TADA2A: variants seen among roughly 807,000 people sequenced by gnomAD.
The protein encoded by TADA2A is transcriptional adaptor 2A.
Under a neutral mutation model 67.4 loss-of-function variants are expected in TADA2A, and 38 were observed. That is an observed-to-expected ratio of 0.56 (90% CI 0.44 to 0.74). The LOEUF is 0.74. Ranked by LOEUF, TADA2A falls within the 30% of genes least tolerant of loss-of-function variation. The probability of loss-of-function intolerance (pLI) is 0.00; values close to 1 mark genes in which losing one functional copy is unlikely to be tolerated. For missense variants in TADA2A, 454 were observed against 547.0 expected (o/e 0.83, Z 1.70); for synonymous variants, 192 against 181.6 (o/e 1.06, Z -0.46).
At chr17:37,449,684 A>G (rs1030450622) in intron 8 of TADA2A, among the ~76,000 whole-genome samples, 1 of 151,000 alleles carries the variant, frequency 6.6e-6, no homozygotes, top group Admixed American at 6.6e-5. Flanking sequence ...CAGTGGCACA[A>G]TCATGGCTCA....
intron 8 of TADA2A, among the ~76,000 whole-genome samples, chr17:37,453,007 T>C (rs1209299447): frequency 6.6e-6 from 1 of 152,238 alleles, no homozygotes; most frequent in African/African-American, 2.4e-5. Flanking sequence ...GGACTTAGGT[T>C]ATTTTTATCT....
At chr17:37,459,418 G>A (rs533046569) in intron 9 of TADA2A, among the ~76,000 whole-genome samples, 13 of 151,570 alleles carry the variant, frequency 8.6e-5, no homozygotes, top group Admixed American at 1.3e-4. Context: ...AAGTGGCTGG[G>A]ACTATAGGTG....
Position 37,474,567 on chromosome 17 carries a change from G to A in TADA2A, c.1084G>A (p.Ala362Thr). 6.2e-7 allele frequency: 1 copy of A among 1,613,696 alleles called. No individual in the cohort carries two copies. Among genetic ancestry groups the A allele is most frequent in the Non-Finnish European group, 8.5e-7 (1 of 1,179,894 alleles). ...TTCTCTGTCTATAGGTAGACGGAGTGCACCACCCTTGAACCTCACTGGCCT... is the reference window on the plus strand; with the variant it reads ...TTCTCTGTCTATAGGTAGACGGAGTACACCACCCTTGAACCTCACTGGCCT... ...PMASNSGRRS[A>T]PPLNLTGLPG... The change falls in exon 15 of 16, where the codon GCA becomes ACA. Residue 362 changes from alanine to threonine, a missense_variant. Physicochemically the swap from Ala to Thr is moderately conservative, Grantham distance 58 (BLOSUM62 0). This residue lies in a region of TADA2A where 403 missense variants were observed against 455.5 expected (regional missense o/e 0.88). Coordinates refer to ENST00000615182, the MANE Select transcript of TADA2A (RefSeq NM_001166105.3).
intron 8 of TADA2A, among the ~76,000 whole-genome samples, chr17:37,454,454 C>T (rs1421547346): frequency 1.3e-5 from 2 of 151,986 alleles, no homozygotes; most frequent in African/African-American, 2.4e-5. Flanking sequence ...GCTACCACAT[C>T]CGGCTAATTT....
In TADA2A at chr17:37,444,772, A is replaced by G; in HGVS notation, c.604+4A>G. ...GATGACTCGGACATTTTACATGGTA[A>G]CAGTTTATTTTGTCAAATGTTTATC... is the stretch of plus-strand genomic sequence containing the variant. On this transcript the variant is annotated splice_donor_region_variant and intron_variant, in intron 8 of 15. Coordinates refer to ENST00000615182, the MANE Select transcript of TADA2A (RefSeq NM_001166105.3). 6.2e-7 allele frequency: 1 copy of G among 1,613,694 alleles called. No homozygotes were observed. The highest frequency in any genetic ancestry group is 8.5e-7 in the Non-Finnish European group (1 of 1,179,612).
chr17:37,439,516 C>A (rs113756520), intron 5 of TADA2A, among the ~76,000 whole-genome samples: 138 of 152,188 alleles, frequency 9.1e-4, no homozygotes, highest in African/African-American at 3.2e-3. Context: ...CTCCTGAGTT[C>A]AAGCCATCCT....
intron 10 of TADA2A, among the ~76,000 whole-genome samples, chr17:37,464,015 C>T (rs1419436874): frequency 3.3e-5 from 5 of 152,132 alleles, no homozygotes; most frequent in African/African-American, 4.8e-5. Flanking sequence ...AAGTCTGTAT[C>T]GTTAGTCCAA....
chr17:37,463,841 T>C (rs1645777478), intron 10 of TADA2A, among the ~76,000 whole-genome samples: 1 of 151,608 alleles, frequency 6.6e-6, no homozygotes, highest in Non-Finnish European at 1.5e-5. Flanking sequence ...TAGTCCCAAC[T>C]ACTCAGGAGG....
chr17:37,456,160 C>A (rs1156390005), intron 8 of TADA2A, among the ~76,000 whole-genome samples: 2 of 152,000 alleles, frequency 1.3e-5, no homozygotes, highest in Non-Finnish European at 2.9e-5. Context: ...GCCAAGCGCC[C>A]CTGCACTCCA....
At chr17:37,457,491 CTTTTTTTTTT>C (rs71135729) in intron 8 of TADA2A, among the ~76,000 whole-genome samples, 1 of 72,398 alleles carries the variant, frequency 1.4e-5, no homozygotes, top group Non-Finnish European at 2.4e-5. Context: ...AACATTAATT[CTTTTTTTTTT>C]TTTTTTTTTT....
intron 5 of TADA2A, 122 bp from the exon 6 acceptor site, chr17:37,440,383 A>G: frequency 1.8e-6 from 2 of 1,142,044 alleles, no homozygotes; most frequent in Admixed American, 5.6e-5. Flanking sequence ...TTTTGATATC[A>G]ATTTGGAAAT....
intron 8 of TADA2A, among the ~76,000 whole-genome samples, chr17:37,456,606 T>C (rs1237685156): frequency 6.6e-6 from 1 of 152,228 alleles, no homozygotes; most frequent in Non-Finnish European, 1.5e-5. Context: ...ATCTTTACTC[T>C]GATGCAGTTA....
At chr17:37,437,253 G>A (rs559120517) in intron 4 of TADA2A, among the ~76,000 whole-genome samples, 24 of 150,460 alleles carry the variant, frequency 1.6e-4, no homozygotes, top group South Asian at 4.2e-4. Context: ...CACCAGGCCC[G>A]GCTAATTTTT....
chr17:37,437,682 T>A, intron 4 of TADA2A, 56 bp from the exon 5 acceptor site: 1 of 1,526,548 alleles, frequency 6.6e-7, no homozygotes, highest in South Asian at 1.1e-5. Flanking sequence ...CCACCGTGCC[T>A]GGCCCCTAGA....
At chr17:37,417,291 G>A (rs565205292) in intron 2 of TADA2A, among the ~76,000 whole-genome samples, 5 of 150,764 alleles carry the variant, frequency 3.3e-5, no homozygotes, top group South Asian at 4.2e-4. Flanking sequence ...CAGGAGAGTC[G>A]CTTGAACCCG....
rs1449514028 is a variant in TADA2A at position 37,440,604 on chromosome 17, G to C, written c.384G>C (p.Leu128=). 1 of 1,614,008 alleles carries C rather than the reference G, an allele frequency of 6.2e-7. No individual in the cohort carries two copies. The highest frequency in any genetic ancestry group is 8.5e-7 in the Non-Finnish European group (1 of 1,180,036). Residue 128 remains leucine, a synonymous_variant, in exon 6 of 16, where the codon CTG becomes CTC. Coordinates refer to ENST00000615182, the MANE Select transcript of TADA2A (RefSeq NM_001166105.3). ...ATAACCCTCTGTTTGCATCTACCCTGCTGAACCTGAAACAAGCAGAGGAAG... is the reference window on the plus strand; with the variant it reads ...ATAACCCTCTGTTTGCATCTACCCTCCTGAACCTGAAACAAGCAGAGGAAG... The part of the protein sequence containing the change: ...FINNPLFAST[L]LNLKQAEEAK...
intron 2 of TADA2A, 37 bp downstream of exon 2, chr17:37,411,427 A>G: frequency 1.3e-6 from 2 of 1,596,774 alleles, no homozygotes. Context: ...GTGACTTATT[A>G]TTATTTTTTT....
intron 1 of TADA2A, among the ~76,000 whole-genome samples, chr17:37,410,255 C>T (rs1050880570): frequency 1.3e-5 from 2 of 151,942 alleles, no homozygotes; most frequent in African/African-American, 4.8e-5. Context: ...TGGCTCACTG[C>T]ATCCTCGACC....
intron 8 of TADA2A, among the ~76,000 whole-genome samples, chr17:37,453,458 G>A (rs952939977): frequency 6.6e-6 from 1 of 152,176 alleles, no homozygotes; most frequent in African/African-American, 2.4e-5. Context: ...TTCCATGGAG[G>A]CACCTTCAGG....
Sources: allele counts gnomAD v4.1 joint callset (sites outside exome capture counted in the v4.1 genomes callset), GRCh38; gene constraint gnomAD v4.1.1; regional missense constraint gnomAD v4.1.1; transcripts MANE v1.5; gene names NCBI Gene and HGNC (gene_info 2026-07-23, HGNC 2026-07-21).